Variants in TMCO5A observed in about 807,000 individuals in gnomAD.
The protein encoded by TMCO5A is transmembrane and coiled-coil domains 5A.
Under a neutral mutation model 42.3 loss-of-function variants are expected in TMCO5A, and 34 were observed. The ratio of observed to expected loss-of-function variants is 0.80; its 90% CI spans 0.61 to 1.07. The LOEUF is 1.07. Ranked by LOEUF, TMCO5A falls within the 50% of genes least tolerant of loss-of-function variation. TMCO5A has a pLI of 0.00. For synonymous variants in TMCO5A, 131 were observed against 115.6 expected, an observed-to-expected ratio of 1.13 and a Z score of -0.86; for missense variants, 357 against 327.9, an observed-to-expected ratio of 1.09 and a Z score of -0.69.
the TMCO5A span, chr15:38,040,707 C>T: frequency 8.5e-5 from 13 of 152,270 alleles, no homozygotes; most frequent in African/African-American, 3.1e-4. Context: ...CAAAGGACCA[C>T]AGCTTGCATG....
At chr15:37,974,567 G>A in the TMCO5A span, among the ~76,000 whole-genome samples, 2 of 152,166 alleles carry the variant, frequency 1.3e-5, no homozygotes, top group African/African-American at 4.8e-5. Flanking sequence ...CAGTCTCTGA[G>A]CGTTGTTTGT....
chr15:37,957,277 A>G (rs1242735329), intron 11 of TMCO5A, among the ~76,000 whole-genome samples: 4 of 152,202 alleles, frequency 2.6e-5, no homozygotes, highest in South Asian at 2.1e-4. Context: ...AAGGTATTCA[A>G]TTCCAAAAAG....
chr15:38,028,840 C>T, the TMCO5A span, among the ~76,000 whole-genome samples: 1 of 152,054 alleles, frequency 6.6e-6, no homozygotes, highest in Non-Finnish European at 1.5e-5. Flanking sequence ...GCACTTGATG[C>T]AAAATAGTGA....
the TMCO5A span, among the ~76,000 whole-genome samples, chr15:38,003,888 C>T: frequency 6.6e-6 from 1 of 152,134 alleles, no homozygotes; most frequent in African/African-American, 2.4e-5. Flanking sequence ...TGGTGCTCTA[C>T]ACCGCTGAGT....
the TMCO5A span, chr15:38,040,477 C>A: frequency 1.3e-5 from 2 of 152,142 alleles, no homozygotes; most frequent in African/African-American, 2.4e-5. Context: ...AAATATATGT[C>A]CGTGCAAAAA....
the TMCO5A span, among the ~76,000 whole-genome samples, chr15:38,038,066 T>C: frequency 1.3e-5 from 2 of 151,614 alleles, no homozygotes; most frequent in South Asian, 4.2e-4. Context: ...GTAAATGAAA[T>C]CAACTATGTA....
At chr15:37,985,652 C>T in the TMCO5A span, among the ~76,000 whole-genome samples, 3 of 152,126 alleles carry the variant, frequency 2.0e-5, no homozygotes, top group African/African-American at 7.2e-5. Flanking sequence ...AAAACAAATT[C>T]AAGGCAGAAT....
At chr15:38,038,454 G>A in the TMCO5A span, among the ~76,000 whole-genome samples, 1 of 151,460 alleles carries the variant, frequency 6.6e-6, no homozygotes, top group East Asian at 1.9e-4. Context: ...GCCCAGGCTG[G>A]AGTGCAGTGG....
At chr15:37,972,623 A>C (rs1032768065), downstream of TMCO5A, among the ~76,000 whole-genome samples, 3 of 151,794 alleles carry the variant, frequency 2.0e-5, no homozygotes, top group African/African-American at 7.3e-5. Flanking sequence ...TTCACGTTTT[A>C]ATGGGGTTGT....
chr15:37,946,179 G>C (rs562992635), intron 10 of TMCO5A, among the ~76,000 whole-genome samples: 8 of 152,170 alleles, frequency 5.3e-5, no homozygotes, highest in African/African-American at 1.9e-4. Context: ...GATGGTTGTA[G>C]GTGAGCAGTG....
At chr15:37,986,506 C>T in the TMCO5A span, among the ~76,000 whole-genome samples, 1 of 151,390 alleles carries the variant, frequency 6.6e-6, no homozygotes, top group Non-Finnish European at 1.5e-5. Context: ...AGTTCAGCAG[C>T]ATTAAGTACA....
downstream of TMCO5A, among the ~76,000 whole-genome samples, chr15:37,953,105 G>T (rs1263550306): frequency 1.3e-5 from 2 of 152,176 alleles, no homozygotes; most frequent in Non-Finnish European, 2.9e-5. Context: ...GCCCCTGAAA[G>T]CACCTCTGGA....
At chr15:38,027,807 T>A in the TMCO5A span, among the ~76,000 whole-genome samples, 1 of 152,130 alleles carries the variant, frequency 6.6e-6, no homozygotes. Flanking sequence ...CCAGATCTGA[T>A]GGTTTTGCAA....
chr15:38,038,196 T>C, the TMCO5A span, among the ~76,000 whole-genome samples: 1 of 152,142 alleles, frequency 6.6e-6, no homozygotes, highest in African/African-American at 2.4e-5. Context: ...TCCTACCGTG[T>C]CCAAGTAATC....
chr15:37,985,065 A>C, the TMCO5A span, among the ~76,000 whole-genome samples: 3 of 151,934 alleles, frequency 2.0e-5, no homozygotes, highest in East Asian at 1.9e-4. Flanking sequence ...AAAAAAAAAA[A>C]ACAACAGAAC....
chr15:37,952,713 T>A (rs1223187495), downstream of TMCO5A, among the ~76,000 whole-genome samples: 1 of 152,186 alleles, frequency 6.6e-6, no homozygotes, highest in African/African-American at 2.4e-5. Flanking sequence ...GTGGACTTTG[T>A]CTTCCAGCTT....
chr15:37,983,952 C>T, the TMCO5A span, among the ~76,000 whole-genome samples: 2 of 151,986 alleles, frequency 1.3e-5, no homozygotes, highest in African/African-American at 2.4e-5. Context: ...AGGCTGGTCT[C>T]GAACTCCTGA....
chr15:38,005,599 A>T, the TMCO5A span, among the ~76,000 whole-genome samples: 1 of 152,078 alleles, frequency 6.6e-6, no homozygotes, highest in Admixed American at 6.6e-5. Context: ...AATTAATTAA[A>T]TAAAAAATTG....
At chr15:37,952,387 A>G (rs1890182126), downstream of TMCO5A, among the ~76,000 whole-genome samples, 1 of 152,076 alleles carries the variant, frequency 6.6e-6, no homozygotes, top group Non-Finnish European at 1.5e-5. Flanking sequence ...GCTCAGCCAC[A>G]GGAAGATAGG....
Sources: gnomAD v4.1 joint callset for allele counts (sites outside exome capture counted in the v4.1 genomes callset) on GRCh38, gnomAD v4.1.1 for gene constraint, MANE v1.5 for transcripts, NCBI Gene and HGNC (gene_info 2026-07-23, HGNC 2026-07-21) for gene names.